Variants in PPP1R14C observed in about 807,000 individuals in gnomAD.
The protein encoded by PPP1R14C is protein phosphatase 1 regulatory subunit 14C.
In PPP1R14C, 16 loss-of-function variants were observed where a neutral mutation model predicts 20.4. The observed-to-expected ratio is 0.78, with a 90% CI of 0.53 to 1.19. The LOEUF (loss-of-function observed/expected upper bound fraction) is 1.19. Ranked by LOEUF, PPP1R14C falls within the 50% of genes most tolerant of loss-of-function variation. The pLI, the probability that PPP1R14C is intolerant of heterozygous loss-of-function variation, is 0.00. For synonymous variants in PPP1R14C, 91 were observed against 91.0 expected (o/e 1.00, Z 0.00); for missense variants, 211 against 220.1 (o/e 0.96, Z 0.26).
rs1216741405 is a variant in PPP1R14C, at chr6:150,218,462, T to G, written c.423+1606T>G. 9.4e-5 allele frequency among the ~76,000 whole-genome samples: 13 copies of G among 137,832 alleles called. No individual in the cohort carries two copies. The East Asian group carries it at 1.7e-3, about 18-fold the overall frequency. 90.4% of individuals were successfully genotyped at this position (137,832 alleles called of 152,430 possible). A position where few individuals can be genotyped will look rare whatever the true frequency, so the allele number is the denominator to read the frequency against. ...GTATATATTTAAATTAATGTAATAC[T>G]AATACATCTGAACCCCCCCCCCCAA... On this transcript the variant is annotated intron_variant, in intron 3 of 3. Coordinates refer to ENST00000361131, the MANE Select transcript of PPP1R14C (RefSeq NM_030949.3).
intron 3 of PPP1R14C, among the ~76,000 whole-genome samples, chr6:150,238,642 T>C (rs1778395079): frequency 6.6e-6 from 1 of 152,272 alleles, no homozygotes; most frequent in African/African-American, 2.4e-5. Flanking sequence ...CTGTGTCTTC[T>C]TTCCCAGCTG....
At chr6:150,190,348 CT>C (rs1459277191) in intron 1 of PPP1R14C, among the ~76,000 whole-genome samples, 2 of 151,930 alleles carry the variant, frequency 1.3e-5, no homozygotes, top group African/African-American at 4.8e-5. Flanking sequence ...TTCCTCCCCA[CT>C]TTATGCATGT....
At chr6:150,156,024 C>CAAAAA (rs67908012) in intron 1 of PPP1R14C, among the ~76,000 whole-genome samples, 86 of 38,336 alleles carry the variant, frequency 2.2e-3, no homozygotes, top group Admixed American at 2.7e-3. Context: ...GACTCTGTCT[C>CAAAAA]AAAAAAAAAA....
chr6:150,148,843 C>T (rs530749498), intron 1 of PPP1R14C, among the ~76,000 whole-genome samples: 6 of 152,072 alleles, frequency 3.9e-5, no homozygotes, highest in African/African-American at 1.2e-4. Context: ...ACTGACGGAT[C>T]GCTTGAGGCC....
chr6:150,218,334 C>T (rs1370111389), intron 3 of PPP1R14C, among the ~76,000 whole-genome samples: 3 of 151,742 alleles, frequency 2.0e-5, no homozygotes, highest in East Asian at 3.9e-4. Context: ...ACCTGGGAGG[C>T]GGAGCTTGCA....
chr6:150,159,014 T>TGGG (rs746456955), intron 1 of PPP1R14C, among the ~76,000 whole-genome samples: 5 of 152,134 alleles, frequency 3.3e-5, no homozygotes, highest in African/African-American at 1.2e-4. Flanking sequence ...TCTTCATTTT[T>TGGG]GGGGGGGCAG....
At chr6:150,211,085 G>A (rs877905) in intron 1 of PPP1R14C, among the ~76,000 whole-genome samples, 67,283 of 152,060 alleles carry the variant, frequency 0.44, 16,009 homozygotes, top group African/African-American at 0.62. Flanking sequence ...CCTCCCTCCT[G>A]TGTGCAACTT....
chr6:150,151,030 T>G (rs1183395439), intron 1 of PPP1R14C, among the ~76,000 whole-genome samples: 1 of 152,074 alleles, frequency 6.6e-6, no homozygotes, highest in Non-Finnish European at 1.5e-5. Context: ...CTGTTTTTTT[T>G]GTTGTTTGTT....
At position 150,143,236 on chromosome 6, in the gene PPP1R14C, G is replaced by A. The variant is rs1777135985; in HGVS notation, c.44G>A (p.Ser15Asn). The change falls in exon 1 of 4, where the codon AGC (serine) becomes AAC (asparagine). Residue 15 changes from serine to asparagine, a missense_variant. By Grantham distance (46) the Ser-to-Asn change is conservative. Transcript: ENST00000361131. The surrounding 1 kb of genome is among the most constrained non-coding windows in gnomAD (Gnocchi z 5.6). ...AGCAGCGAGACGGCCGGCGGGGCCAGCGGCGGCGGCGCACGGGTTTTCTTC... is the reference window on the plus strand; with the variant it reads ...AGCAGCGAGACGGCCGGCGGGGCCAACGGCGGCGGCGCACGGGTTTTCTTC... Reference protein sequence around the residue: ...TGSSETAGGASGGGARVFFQS... With the variant: ...TGSSETAGGANGGGARVFFQS... 6 of 1,378,440 alleles carry A rather than the reference G, an allele frequency of 4.4e-6. No individual in the cohort carries two copies. Among genetic ancestry groups the A allele is most frequent in the Non-Finnish European group, 5.6e-6 (6 of 1,076,086 alleles). The allele number at this position is 1,378,440 out of a possible 1,614,324, so 85.4% of individuals were successfully genotyped here.
chr6:150,163,797 C>T (rs1032267278), intron 1 of PPP1R14C, among the ~76,000 whole-genome samples: 1 of 152,102 alleles, frequency 6.6e-6, no homozygotes, highest in Non-Finnish European at 1.5e-5. Context: ...ATTTGGGAGG[C>T]CTTCAGTTTT....
chr6:150,214,771 G>C lies in PPP1R14C; in HGVS notation c.334G>C (p.Asp112His), dbSNP rs1464958377. 6.2e-7 allele frequency: 1 copy of C among 1,613,264 alleles called. No homozygotes were observed. The highest frequency in any genetic ancestry group is 8.5e-7 in the Non-Finnish European group (1 of 1,179,658). ...AGAAGAAATGCCAGAGGTAGAAATT[G>C]ACATTGATGATCTTCTTGATGCAGA... ...EEEEMPEVEI[D>H]IDDLLDADSD... Residue 112 changes from aspartate to histidine, a missense_variant, in exon 2 of 4, where the codon GAC becomes CAC. By Grantham distance (81) the Asp-to-His change is moderately conservative (BLOSUM62 -1). Transcript: ENST00000361131.
intron 3 of PPP1R14C, among the ~76,000 whole-genome samples, chr6:150,230,297 G>A (rs1778279057): frequency 6.6e-6 from 1 of 152,150 alleles, no homozygotes; most frequent in Non-Finnish European, 1.5e-5. Context: ...TGGAAGAAGT[G>A]TCGGGTAGCT....
chr6:150,244,807 G>A (rs1215230496), intron 3 of PPP1R14C, among the ~76,000 whole-genome samples: 1 of 152,042 alleles, frequency 6.6e-6, no homozygotes, highest in African/African-American at 2.4e-5. Flanking sequence ...TATTTTTTCA[G>A]AATAAAATAA....
chr6:150,147,598 A>G (rs1777194265), intron 1 of PPP1R14C, among the ~76,000 whole-genome samples: 3 of 152,208 alleles, frequency 2.0e-5, no homozygotes, highest in Admixed American at 6.5e-5. Flanking sequence ...CATCAAGATA[A>G]CATCTGTACT....
At chr6:150,221,068 A>G (rs183459109) in intron 3 of PPP1R14C, among the ~76,000 whole-genome samples, 2 of 152,222 alleles carry the variant, frequency 1.3e-5, no homozygotes, top group African/African-American at 4.8e-5. Context: ...AAGTTCACTT[A>G]TCTGTTAACG....
At chr6:150,212,660 G>T (rs375075588) in intron 1 of PPP1R14C, among the ~76,000 whole-genome samples, 2 of 152,332 alleles carry the variant, frequency 1.3e-5, no homozygotes, top group East Asian at 1.9e-4. Flanking sequence ...GGCGAGTGCA[G>T]TCACGAACCG....
chr6:150,210,351 C>T (rs749405903), intron 1 of PPP1R14C, among the ~76,000 whole-genome samples: 4 of 152,244 alleles, frequency 2.6e-5, no homozygotes, highest in Non-Finnish European at 5.9e-5. Flanking sequence ...TTCCCCCGAT[C>T]CCTCATCCAG....
chr6:150,201,839 A>AG lies in PPP1R14C; in HGVS notation c.307-12904dup, dbSNP rs1242775353. On this transcript the variant is annotated intron_variant, in intron 1 of 3. Transcript: ENST00000361131. The surrounding 1 kb of genome is among the most constrained non-coding windows in gnomAD (Gnocchi z 4.2). ...GGAGACGGTAAGCCATAGAATTGAC[A>AG]GTTATGGTGATGGATTGGATGGTGG... is the stretch of plus-strand genomic sequence containing the variant. Among the ~76,000 whole-genome samples the AG allele has an allele frequency of 6.6e-6, 1 of 152,134 alleles. No homozygotes were observed. The highest frequency in any genetic ancestry group is 2.4e-5 in the African/African-American group (1 of 41,416).
intron 1 of PPP1R14C, among the ~76,000 whole-genome samples, chr6:150,159,910 C>G (rs1387914835): frequency 6.6e-6 from 1 of 152,158 alleles, no homozygotes; most frequent in Non-Finnish European, 1.5e-5. Context: ...TCCTTAGACT[C>G]CCTTGGCTAG....
Sources: gnomAD v4.1 joint callset for allele counts (sites outside exome capture counted in the v4.1 genomes callset) on GRCh38, gnomAD v4.1.1 for gene constraint, Gnocchi (gnomAD v3.1) non-coding constraint, MANE v1.5 for transcripts, NCBI Gene and HGNC (gene_info 2026-07-23, HGNC 2026-07-21) for gene names.